MPRIP: variants seen among roughly 807,000 people sequenced by gnomAD.
The protein encoded by MPRIP is myosin phosphatase Rho interacting protein.
In MPRIP, 59 loss-of-function variants were observed where a neutral mutation model predicts 234.9. That is an observed-to-expected ratio of 0.25 (90% confidence interval 0.20 to 0.31). MPRIP has a LOEUF of 0.31. Among genes scored for constraint, MPRIP ranks in the 10% least tolerant of loss-of-function variants. MPRIP has a pLI of 1.00. For synonymous variants in MPRIP, 1,144 were observed against 1,263.9 expected (o/e 0.91, Z 2.01); for missense variants, 2,436 against 3,071.0 (o/e 0.79, Z 4.89).
intron 16 of MPRIP, chr17:17,168,942 T>A (rs1208519797): frequency 2.2e-6 from 1 of 456,830 alleles, no homozygotes; most frequent in Non-Finnish European, 4.4e-6. Context: ...GGACACCTGT[T>A]TTTCCCAGCC....
rs563855761 is a variant in MPRIP at position 17,168,723 on chromosome 17, G to C, written c.6324+808G>C. The C allele has an allele frequency of 1.8e-5, 7 of 388,546 alleles. No homozygotes were observed. The East Asian group carries it at 5.1e-4, about 28-fold the overall frequency. The allele number at this position is 388,546 out of a possible 1,614,324, so 24.1% of individuals were successfully genotyped here. A position where few individuals can be genotyped will look rare whatever the true frequency, so the allele number is the denominator to read the frequency against. The stretch of plus-strand genomic sequence containing the variant: ...GACTCAAAAGTTTACCATGATACCT[G>C]TGCCCTTATGTTCCTTCCACTCAGG... On this transcript the variant is annotated intron_variant, in intron 16 of 23. Transcript: ENST00000651222.
intron 1 of MPRIP, among the ~76,000 whole-genome samples, chr17:17,075,108 T>G (rs1039127021): frequency 6.6e-6 from 1 of 152,178 alleles, no homozygotes; most frequent in Non-Finnish European, 1.5e-5. Flanking sequence ...TGTGCTGGGT[T>G]TTACTGATTG....
At chr17:17,172,471 C>A (rs150583646) in intron 17 of MPRIP, among the ~76,000 whole-genome samples, 2 of 152,196 alleles carry the variant, frequency 1.3e-5, no homozygotes, top group Non-Finnish European at 2.9e-5. Flanking sequence ...AAAAGCCAAA[C>A]GTGCATTCCT....
intron 2 of MPRIP, 134 bp downstream of exon 2, chr17:17,075,921 C>T: frequency 5.1e-6 from 4 of 789,886 alleles, no homozygotes; most frequent in Non-Finnish European, 8.4e-6. Context: ...AGGGCTCCCC[C>T]ATTTGGTGCA....
intron 1 of MPRIP, among the ~76,000 whole-genome samples, chr17:17,061,960 C>CTT (rs1219792036): frequency 1.3e-5 from 2 of 151,828 alleles, no homozygotes; most frequent in Admixed American, 1.3e-4. Context: ...ATGCTTGTGT[C>CTT]TGACATGATC....
Position 17,166,110 on chromosome 17 carries a change from A to G in MPRIP, c.4519A>G (p.Ser1507Gly), listed in dbSNP as rs747188844. 2.3e-5 allele frequency: 30 copies of G among 1,299,090 alleles called. No homozygotes were observed. Among genetic ancestry groups the G allele is most frequent in the South Asian group, 8.7e-5 (7 of 80,672 alleles). 80.5% of individuals were successfully genotyped at this position (1,299,090 alleles called of 1,614,324 possible). A position where few individuals can be genotyped will look rare whatever the true frequency, so the allele number is the denominator to read the frequency against. The change falls in exon 16 of 24, where the codon AGT (serine) becomes GGT (glycine). Residue 1507 changes from serine to glycine, a missense_variant. Ser to Gly is a moderately conservative substitution (Grantham distance 56). This residue lies in a region of MPRIP where 1,998 missense variants were observed against 2,520.3 expected (regional missense o/e 0.79). Transcript: ENST00000651222. The surrounding 1 kb of genome is among the most constrained non-coding windows in gnomAD (Gnocchi z 4.4). ...GGACGCACGCGCAGCCTCCCTGGCCAGTGTGGAGAGTGCACTCGTCAGCGC... is the reference window on the plus strand; with the variant it reads ...GGACGCACGCGCAGCCTCCCTGGCCGGTGTGGAGAGTGCACTCGTCAGCGC... Reference protein sequence around the residue: ...EQDARAASLASVESALVSAIQ... With the variant: ...EQDARAASLAGVESALVSAIQ...
At chr17:17,099,975 C>G (rs1489058564) in intron 3 of MPRIP, among the ~76,000 whole-genome samples, 1 of 152,178 alleles carries the variant, frequency 6.6e-6, no homozygotes, top group Non-Finnish European at 1.5e-5. Flanking sequence ...ACATCTCCAC[C>G]TGATGTCACT....
chr17:17,106,332 G>A (rs567089393), intron 3 of MPRIP, among the ~76,000 whole-genome samples: 17 of 152,302 alleles, frequency 1.1e-4, no homozygotes, highest in African/African-American at 3.9e-4. Flanking sequence ...CTTTGTGGTC[G>A]ACTTGTAGAA....
At chr17:17,104,061 A>C (rs1200726300) in intron 3 of MPRIP, among the ~76,000 whole-genome samples, 1 of 152,162 alleles carries the variant, frequency 6.6e-6, no homozygotes, top group Non-Finnish European at 1.5e-5. Context: ...GTAATGAATA[A>C]TGTCTGTTTG....
chr17:17,105,180 A>G (rs573342496), intron 3 of MPRIP, among the ~76,000 whole-genome samples: 14 of 152,336 alleles, frequency 9.2e-5, no homozygotes, highest in African/African-American at 3.1e-4. Flanking sequence ...CTCCCAGGGC[A>G]GGGAGCACTG....
chr17:17,093,763 C>T (rs1181206732), intron 3 of MPRIP, among the ~76,000 whole-genome samples: 3 of 152,224 alleles, frequency 2.0e-5, no homozygotes, highest in African/African-American at 7.2e-5. Flanking sequence ...CATTTCAGCT[C>T]TTCTAGCCAG....
At chr17:17,134,831 G>A (rs1030092374) in intron 5 of MPRIP, among the ~76,000 whole-genome samples, 1 of 152,228 alleles carries the variant, frequency 6.6e-6, no homozygotes, top group Non-Finnish European at 1.5e-5. Context: ...GGGTGGGTGA[G>A]ACTGGATGTA....
chr17:17,047,106 A>G (rs998741511), intron 1 of MPRIP, among the ~76,000 whole-genome samples: 4 of 152,208 alleles, frequency 2.6e-5, no homozygotes, highest in Admixed American at 1.3e-4. Context: ...GCTTGAACCC[A>G]GGAGGCAGAG....
At chr17:17,118,484 G>A (rs982391888) in intron 3 of MPRIP, among the ~76,000 whole-genome samples, 7 of 152,218 alleles carry the variant, frequency 4.6e-5, no homozygotes, top group African/African-American at 1.7e-4. Context: ...TGACACCTGA[G>A]GACAGGCATT....
intron 1 of MPRIP, among the ~76,000 whole-genome samples, chr17:17,068,180 C>T (rs567714536): frequency 4.0e-5 from 6 of 151,562 alleles, no homozygotes; most frequent in Non-Finnish European, 7.4e-5. Flanking sequence ...GATGAAGTTT[C>T]GCTCTTGTTG....
At chr17:17,179,374 G>A (rs2046325296) in intron 22 of MPRIP, among the ~76,000 whole-genome samples, 1 of 151,528 alleles carries the variant, frequency 6.6e-6, no homozygotes, top group Non-Finnish European at 1.5e-5. Context: ...TTGAACCCAG[G>A]AGGCAGAGGT....
chr17:17,151,410 T>TA (rs2045599607), intron 12 of MPRIP, among the ~76,000 whole-genome samples: 1 of 152,196 alleles, frequency 6.6e-6, no homozygotes, highest in African/African-American at 2.4e-5. Flanking sequence ...GGTGTCCTCT[T>TA]AGCCCTGATG....
At chr17:17,063,826 C>T (rs933190005) in intron 1 of MPRIP, among the ~76,000 whole-genome samples, 4 of 152,206 alleles carry the variant, frequency 2.6e-5, no homozygotes, top group African/African-American at 4.8e-5. Flanking sequence ...GACCTGTGCA[C>T]GTCTGAGACG....
chr17:17,154,679 G>A (rs1406379178), intron 13 of MPRIP, among the ~76,000 whole-genome samples: 1 of 152,250 alleles, frequency 6.6e-6, no homozygotes, highest in Non-Finnish European at 1.5e-5. Context: ...GGGCTTTGGT[G>A]GAGAATCTTC....
Sources: gnomAD v4.1 joint callset for allele counts (sites outside exome capture counted in the v4.1 genomes callset) on GRCh38, gnomAD v4.1.1 for gene constraint, gnomAD v4.1.1 regional missense constraint, Gnocchi (gnomAD v3.1) non-coding constraint, MANE v1.5 for transcripts, NCBI Gene and HGNC (gene_info 2026-07-23, HGNC 2026-07-21) for gene names.